The following KLHDC4 variants were observed in gnomAD, a reference collection of about 807,000 sequenced individuals.
KLHDC4 encodes the protein kelch domain-containing protein 4.
KLHDC4 carries 90 observed loss-of-function variants against 62.4 expected under a neutral mutation model. The observed-to-expected ratio is 1.44, with a 90% CI of 1.22 to 1.72. KLHDC4 has a LOEUF of 1.72. KLHDC4 is among the 40% of genes most tolerant of loss of function. The pLI is 0.00. For missense variants in KLHDC4, 1,025 were observed against 699.7 expected, an observed-to-expected ratio of 1.47 and a Z score of -5.25; for synonymous variants, 386 against 284.4, an observed-to-expected ratio of 1.36 and a Z score of -3.59.
chr16:87,712,647 G>A (rs778505630), intron 8 of KLHDC4, among the ~76,000 whole-genome samples: 1 of 152,270 alleles, frequency 6.6e-6, no homozygotes, highest in South Asian at 2.1e-4. Context: ...CCAGGGTGCA[G>A]TAAGGCAGGG....
At chr16:87,753,967 T>C (rs28642284) in intron 4 of KLHDC4, among the ~76,000 whole-genome samples, 6,335 of 116,080 alleles carry the variant, frequency 0.055, 478 homozygotes, top group African/African-American at 0.2. Context: ...CAAGACACCA[T>C]CTCAAAAAAA....
chr16:87,754,629 G>A (rs1194311074), intron 4 of KLHDC4, among the ~76,000 whole-genome samples: 2 of 152,192 alleles, frequency 1.3e-5, no homozygotes, highest in African/African-American at 4.8e-5. Flanking sequence ...GAGTCTAACT[G>A]TCACAGAGTT....
Position 87,707,860 on chromosome 16 carries a change from G to A in KLHDC4, c.*217C>T, listed in dbSNP as rs187039539. 636 of 428,016 alleles carry A rather than the reference G, an allele frequency of 1.5e-3. 3 individuals carry two copies. The highest frequency in any genetic ancestry group is 2.5e-3 in the Non-Finnish European group (530 of 209,824). The allele number at this position is 428,016 out of a possible 1,614,324, so 26.5% of individuals were successfully genotyped here. ...TCACACAACACACAGGCTGCTGAGG[G>A]AATCCACCTGCACTGCACTCAGTTG... On this transcript the variant is annotated 3_prime_UTR_variant, in exon 12 of 12. Transcript: ENST00000270583.
intron 3 of KLHDC4, 129 bp from the exon 4 acceptor site, chr16:87,755,421 G>A: frequency 1.8e-6 from 1 of 567,548 alleles, no homozygotes; most frequent in Non-Finnish European, 3.2e-6. Flanking sequence ...TACCAGCACA[G>A]GGAGGCCATG....
exon 1 of KLHDC4, chr16:87,701,039 A>C (rs576619568): frequency 1.4e-4 from 30 of 211,814 alleles, no homozygotes; most frequent in Non-Finnish European, 2.8e-4. Context: ...TCAGCCTTCA[A>C]AACAAGCAAG....
Position 87,726,808 on chromosome 16 carries a change from G to A in KLHDC4, c.716C>T (p.Thr239Ile), listed in dbSNP as rs375421008. ...ATAGACGACGATGCCGCCCTGGGGA[G>A]TGACGGACATCTGGCAGCCTGATCT... is the stretch of plus-strand genomic sequence containing the variant. ...TPRSGCQMSV[T>I]PQGGIVVYGG... The change falls in exon 7 of 12, where the codon ACT becomes ATT. Residue 239 changes from threonine (T) to isoleucine (I), a missense_variant. Thr to Ile is a moderately conservative substitution (Grantham distance 89). Coordinates refer to ENST00000270583, the MANE Select transcript of KLHDC4 (RefSeq NM_017566.4). 29 of 1,610,416 alleles carry A rather than the reference G, an allele frequency of 1.8e-5. No homozygotes were observed. In the Admixed American group the frequency reaches 4.5e-4, roughly 25 times the overall value.
At chr16:87,722,081 G>A (rs753876932) in intron 7 of KLHDC4, among the ~76,000 whole-genome samples, 16 of 152,168 alleles carry the variant, frequency 1.1e-4, no homozygotes, top group Non-Finnish European at 1.8e-4. Context: ...TCTTTGACAC[G>A]TGAATGTTGC....
At chr16:87,732,435 T>A (rs1177755510) in intron 5 of KLHDC4, among the ~76,000 whole-genome samples, 4 of 152,174 alleles carry the variant, frequency 2.6e-5, no homozygotes, top group Admixed American at 2.6e-4. Flanking sequence ...AGTGTACATC[T>A]AAAAGGCATG....
chr16:87,761,657 A>T (rs1387364730), intron 2 of KLHDC4, among the ~76,000 whole-genome samples: 2 of 152,180 alleles, frequency 1.3e-5, no homozygotes, highest in Non-Finnish European at 2.9e-5. Flanking sequence ...ACCAAAGAAA[A>T]GCTCACTGGG....
At chr16:87,726,707 C>T (rs1425435581) in intron 7 of KLHDC4, 58 bp downstream of exon 7, 4 of 1,335,614 alleles carry the variant, frequency 3.0e-6, no homozygotes, top group Non-Finnish European at 3.9e-6. Flanking sequence ...CTCCCCACCC[C>T]GCGCCTCGCC....
intron 1 of KLHDC4, among the ~76,000 whole-genome samples, chr16:87,764,874 G>C (rs1214947961): frequency 1.3e-5 from 2 of 151,364 alleles, no homozygotes; most frequent in African/African-American, 4.9e-5. Flanking sequence ...AGGAGTGTGA[G>C]GGAAAAGTCC....
intron 4 of KLHDC4, among the ~76,000 whole-genome samples, chr16:87,750,658 G>T (rs989658316): frequency 2.6e-5 from 4 of 152,196 alleles, no homozygotes; most frequent in Non-Finnish European, 5.9e-5. Flanking sequence ...GCAGACAGTG[G>T]TCCTCAGCAG....
intron 7 of KLHDC4, among the ~76,000 whole-genome samples, chr16:87,718,744 G>A (rs1219999240): frequency 5.3e-5 from 8 of 149,728 alleles, no homozygotes; most frequent in Non-Finnish European, 8.9e-5. Flanking sequence ...AGTGAGGAGC[G>A]CCTCTTCCCG....
chr16:87,730,556 T>C lies in KLHDC4; in HGVS notation c.595A>G (p.Thr199Ala). The C allele has an allele frequency of 6.2e-7, 1 of 1,611,064 alleles. No individual in the cohort carries two copies. Among genetic ancestry groups the C allele is most frequent in the Non-Finnish European group, 8.5e-7 (1 of 1,179,084 alleles). The change falls in exon 6 of 12, where the codon ACA becomes GCA. Residue 199 changes from threonine to alanine, a missense_variant. Physicochemically the swap from Thr to Ala is moderately conservative, Grantham distance 58. Coordinates refer to ENST00000270583, the MANE Select transcript of KLHDC4 (RefSeq NM_017566.4). The part of the protein sequence containing the change: ...LILFGGFHES[T>A]RDYIYYNDVY... ...TTTTCCGTTCTTGGTACCAACCGTGTACTTTCATGGAAGCCACCAAACAGG... is the reference window on the plus strand; with the variant it reads ...TTTTCCGTTCTTGGTACCAACCGTGCACTTTCATGGAAGCCACCAAACAGG...
At chr16:87,715,689 G>C (rs745884483) in intron 7 of KLHDC4, among the ~76,000 whole-genome samples, 21 of 152,176 alleles carry the variant, frequency 1.4e-4, no homozygotes, top group Non-Finnish European at 1.0e-4. Flanking sequence ...TCCCCGGGGT[G>C]AAGTGCCCAT....
chr16:87,757,937 A>G (rs2045246525), intron 2 of KLHDC4, among the ~76,000 whole-genome samples: 1 of 152,194 alleles, frequency 6.6e-6, no homozygotes, highest in Non-Finnish European at 1.5e-5. Flanking sequence ...ACTTCAGTTG[A>G]AAGTAATGAA....
chr16:87,746,495 T>A (rs775740378), intron 5 of KLHDC4, among the ~76,000 whole-genome samples: 12 of 152,102 alleles, frequency 7.9e-5, no homozygotes, highest in Non-Finnish European at 1.3e-4. Flanking sequence ...AGACGCACAC[T>A]CCACACGACC....
rs748770372 is a variant in KLHDC4 at position 87,711,491 on chromosome 16, C to G, written c.836-48G>C. The G allele has an allele frequency of 3.3e-6, 5 of 1,527,444 alleles. No individual in the cohort carries two copies. The African/African-American group carries it at 6.9e-5, about 21-fold the overall frequency. The allele number at this position is 1,527,444 out of a possible 1,614,324, so 94.6% of individuals were successfully genotyped here. On this transcript the variant is annotated intron_variant, in intron 8 of 11. Coordinates refer to ENST00000270583, the MANE Select transcript of KLHDC4 (RefSeq NM_017566.4). ...TGGGATAAGAACACAAGGAAGGACCCTGAGAGCCAGCCCAGGACACGCTCA... is the reference window on the plus strand; with the variant it reads ...TGGGATAAGAACACAAGGAAGGACCGTGAGAGCCAGCCCAGGACACGCTCA...
chr16:87,721,732 T>C (rs1183280114), intron 7 of KLHDC4, among the ~76,000 whole-genome samples: 1 of 152,252 alleles, frequency 6.6e-6, no homozygotes, highest in Non-Finnish European at 1.5e-5. Context: ...TCTGCCAGCA[T>C]GCTCCACGGC....
Sources: allele counts gnomAD v4.1 joint callset (sites outside exome capture counted in the v4.1 genomes callset), GRCh38; gene constraint gnomAD v4.1.1; transcripts MANE v1.5; gene names NCBI Gene and HGNC (gene_info 2026-07-23, HGNC 2026-07-21).